PLEKHB2: variants seen among roughly 807,000 people sequenced by gnomAD.
PLEKHB2 encodes the protein pleckstrin homology domain-containing family B member 2.
PLEKHB2 carries 31 observed loss-of-function variants against 36.5 expected under a neutral mutation model. The observed-to-expected ratio is 0.85, with a 90% CI of 0.64 to 1.15. The LOEUF is 1.15. Among genes scored for constraint, PLEKHB2 ranks in the 50% most tolerant of loss-of-function variants. The pLI, the probability that PLEKHB2 is intolerant of heterozygous loss-of-function variation, is 0.00. For synonymous variants in PLEKHB2, 119 were observed against 112.0 expected (o/e 1.06, Z -0.39); for missense variants, 262 against 295.3 (o/e 0.89, Z 0.83).
chr2:131,126,201 CTG>C, intron 3 of PLEKHB2, among the ~76,000 whole-genome samples: 1 of 152,284 alleles, frequency 6.6e-6, no homozygotes, highest in Admixed American at 6.5e-5. Context: ...AAACTGGCTT[CTG>C]TTTGATGGTG....
chr2:131,114,934 T>C (rs1351425909), intron 1 of PLEKHB2, among the ~76,000 whole-genome samples: 1 of 152,226 alleles, frequency 6.6e-6, no homozygotes, highest in Non-Finnish European at 1.5e-5. Context: ...CATTTTCAGT[T>C]ATCTTTTCAG....
At chr2:131,131,520 G>T (rs550575310) in intron 5 of PLEKHB2, among the ~76,000 whole-genome samples, 1 of 152,162 alleles carries the variant, frequency 6.6e-6, no homozygotes, top group Non-Finnish European at 1.5e-5. Flanking sequence ...GTGATCAAGG[G>T]AGTGTGTTAC....
chr2:131,142,679 C>G (rs1698914161), intron 7 of PLEKHB2, among the ~76,000 whole-genome samples: 1 of 151,188 alleles, frequency 6.6e-6, no homozygotes, highest in Non-Finnish European at 1.5e-5. Flanking sequence ...TCAAGAGATT[C>G]TCCTGCTTCA....
At chr2:131,131,517 A>AG (rs1202438470) in intron 5 of PLEKHB2, among the ~76,000 whole-genome samples, 2 of 152,164 alleles carry the variant, frequency 1.3e-5, no homozygotes, top group African/African-American at 4.8e-5. Context: ...TCAGTGATCA[A>AG]GGGAGTGTGT....
At chr2:131,108,855 AC>A (rs1444876622) in intron 1 of PLEKHB2, among the ~76,000 whole-genome samples, 2 of 152,234 alleles carry the variant, frequency 1.3e-5, no homozygotes, top group Non-Finnish European at 2.9e-5. Context: ...ACTGTGAGGC[AC>A]CATGCCAACT....
At position 131,126,669 on chromosome 2, in the gene PLEKHB2, G is replaced by C. The variant is rs1187885431; in HGVS notation, c.191-15G>C. On this transcript the variant is annotated splice_polypyrimidine_tract_variant and intron_variant, in intron 3 of 7. Transcript: ENST00000693505. ...ATCCTGAAAAAAGTTCCTTTATTCT[G>C]CTTATTTTTCATAGATACTCAGCCC... The C allele has an allele frequency of 6.6e-7, 1 of 1,505,704 alleles. No individual in the cohort carries two copies. Among genetic ancestry groups the C allele is most frequent in the Non-Finnish European group, 9.2e-7 (1 of 1,081,790 alleles). The allele number at this position is 1,505,704 out of a possible 1,614,324, so 93.3% of individuals were successfully genotyped here.
At chr2:131,130,840 G>GGTGAGACAGCACCAC in intron 5 of PLEKHB2, 80 bp downstream of exon 5, 1 of 1,004,786 alleles carries the variant, frequency 1.0e-6, no homozygotes, top group Non-Finnish European at 1.6e-6. Flanking sequence ...GAGTGCAGTG[G>GGTGAGACAGCACCAC]TGCTGTCTCA....
intron 1 of PLEKHB2, among the ~76,000 whole-genome samples, chr2:131,119,604 CATG>C (rs1417627239): frequency 2.6e-5 from 4 of 152,314 alleles, no homozygotes; most frequent in Non-Finnish European, 4.4e-5. Flanking sequence ...AATTCCTAGT[CATG>C]GTGAGATTGC....
chr2:131,128,556 T>G (rs1280463600), intron 4 of PLEKHB2, among the ~76,000 whole-genome samples: 2 of 152,224 alleles, frequency 1.3e-5, no homozygotes, highest in Non-Finnish European at 2.9e-5. Flanking sequence ...GGCAGAGATT[T>G]ATGTTTCTTT....
chr2:131,109,297 T>A lies in PLEKHB2; in HGVS notation c.-9+3899T>A, dbSNP rs1460599809. Among the ~76,000 whole-genome samples, 4 of 152,230 alleles carry A rather than the reference T, an allele frequency of 2.6e-5. No individual in the cohort carries two copies. In the South Asian group the frequency reaches 6.2e-4, roughly 24 times the overall value. ...TGTTGGAAGGTTCAAATAGGTAGAT[T>A]AATTTAGGTTGGTTTTTTTGTTTTG... On this transcript the variant is annotated intron_variant, in intron 1 of 7. Transcript: ENST00000693505.
chr2:131,108,629 T>C (rs1200940068), intron 1 of PLEKHB2, among the ~76,000 whole-genome samples: 3 of 152,148 alleles, frequency 2.0e-5, no homozygotes, highest in Non-Finnish European at 2.9e-5. Flanking sequence ...CACTAAAAAA[T>C]AAAATTGCAA....
intron 5 of PLEKHB2, among the ~76,000 whole-genome samples, chr2:131,132,285 A>T (rs934840254): frequency 6.6e-6 from 1 of 152,112 alleles, no homozygotes. Context: ...TTATTTGTGA[A>T]TAAAGGACTG....
Position 131,146,828 on chromosome 2 carries a change from G to T in PLEKHB2, c.*55G>T. 1.4e-6 allele frequency: 2 copies of T among 1,420,516 alleles called. No homozygotes were observed. The highest frequency in any genetic ancestry group is 2.8e-5 in the South Asian group (2 of 70,226). The allele number at this position is 1,420,516 out of a possible 1,614,324, so 88.0% of individuals were successfully genotyped here. A position where few individuals can be genotyped will look rare whatever the true frequency, so the allele number is the denominator to read the frequency against. On this transcript the variant is annotated 3_prime_UTR_variant, in exon 8 of 8. Coordinates refer to ENST00000693505, the MANE Select transcript of PLEKHB2 (RefSeq NM_001100623.2). ...CTGATAACCCTGTGTGCAATAATAT[G>T]ATTTGCAGGGCATTTCTGTTTGTGA...
chr2:131,128,598 C>G (rs1697331079), intron 4 of PLEKHB2, among the ~76,000 whole-genome samples: 1 of 152,162 alleles, frequency 6.6e-6, no homozygotes, highest in Admixed American at 6.5e-5. Context: ...CTTAGAAGGT[C>G]TGTTGCTGTC....
intron 2 of PLEKHB2, among the ~76,000 whole-genome samples, chr2:131,123,113 T>C (rs1696687720): frequency 6.6e-6 from 1 of 152,258 alleles, no homozygotes; most frequent in Non-Finnish European, 1.5e-5. Flanking sequence ...AGATGTACTT[T>C]AAATAAGTCA....
At chr2:131,120,669 A>T in intron 1 of PLEKHB2, 1 of 527,160 alleles carries the variant, frequency 1.9e-6, no homozygotes. Flanking sequence ...GGGCTGCTTT[A>T]TGTTTGTTGA....
intron 3 of PLEKHB2, among the ~76,000 whole-genome samples, 190 bp from the exon 4 acceptor site, chr2:131,126,494 C>T: frequency 6.6e-6 from 1 of 152,178 alleles, no homozygotes; most frequent in South Asian, 2.1e-4. Context: ...TTGTGGACGT[C>T]ATCTTGGCAG....
At chr2:131,145,916 C>T (rs2104995606) in intron 7 of PLEKHB2, among the ~76,000 whole-genome samples, 1 of 152,210 alleles carries the variant, frequency 6.6e-6, no homozygotes, top group African/African-American at 2.4e-5. Context: ...GGCGTGGTGG[C>T]TCATGCCTGT....
At chr2:131,106,950 T>C (rs1573505820) in intron 1 of PLEKHB2, among the ~76,000 whole-genome samples, 1 of 152,362 alleles carries the variant, frequency 6.6e-6, no homozygotes, top group East Asian at 1.9e-4. Flanking sequence ...TAAGTAAATT[T>C]CCTGCTATTC....
Sources: gnomAD v4.1 joint callset for allele counts (sites outside exome capture counted in the v4.1 genomes callset) on GRCh38, gnomAD v4.1.1 for gene constraint, MANE v1.5 for transcripts, NCBI Gene and HGNC (gene_info 2026-07-23, HGNC 2026-07-21) for gene names.